SUGCT: variants seen among roughly 807,000 people sequenced by gnomAD.
The protein encoded by SUGCT is succinyl-CoA:glutarate CoA-transferase.
A neutral mutation model predicts 55.0 loss-of-function variants in SUGCT; 41 were observed. That is an observed-to-expected ratio of 0.74 (90% CI 0.58 to 0.97). The LOEUF is 0.97. SUGCT is among the 50% of genes least tolerant of loss of function. SUGCT has a pLI of 0.00. For missense variants in SUGCT, 568 were observed against 547.8 expected, an observed-to-expected ratio of 1.04 and a Z score of -0.37; for synonymous variants, 187 against 200.4, an observed-to-expected ratio of 0.93 and a Z score of 0.56.
In SUGCT at chr7:40,739,616, C is replaced by T. The variant is rs181956415; in HGVS notation, c.1090-9818C>T. Among the ~76,000 whole-genome samples the T allele has an allele frequency of 6.2e-3, 944 of 151,710 alleles. 19 individuals are homozygous for T. The highest frequency in any genetic ancestry group is 0.039 in the South Asian group (188 of 4,804). On this transcript the variant is annotated intron_variant, in intron 12 of 13. Coordinates refer to ENST00000335693, the MANE Select transcript of SUGCT (RefSeq NM_001193313.2). ...GAGCTTTATGTTGAGTTTCTTTTTT[C>T]CCCCCAGCTCCAGTACACATGTTTC...
At chr7:40,602,861 T>C (rs925949100) in intron 12 of SUGCT, among the ~76,000 whole-genome samples, 1 of 152,170 alleles carries the variant, frequency 6.6e-6, no homozygotes, top group Admixed American at 6.5e-5. Flanking sequence ...GTGGTAGGAT[T>C]TTCCAACAGG....
intron 6 of SUGCT, among the ~76,000 whole-genome samples, chr7:40,203,120 GCTTGCTCCT>G (rs1476862832): frequency 6.6e-6 from 1 of 152,170 alleles, no homozygotes; most frequent in Non-Finnish European, 1.5e-5. Flanking sequence ...GGGGAAAACA[GCTTGCTCCT>G]CTCTTATGAC....
rs568070433 is a variant in SUGCT, at chr7:40,680,237, G to A, written c.1090-69197G>A. 3.4e-4 allele frequency among the ~76,000 whole-genome samples: 51 copies of A among 152,138 alleles called. 1 individual carries two copies. In the South Asian group the frequency reaches 7.5e-3, roughly 22 times the overall value. On this transcript the variant is annotated intron_variant, in intron 12 of 13. Coordinates refer to ENST00000335693, the MANE Select transcript of SUGCT (RefSeq NM_001193313.2). ...ATAGATGGATTTCTTTTAAAAAATC[G>A]AAGTCAGCTGTTTAACACCTGCAAA...
At chr7:41,009,574 C>T in the SUGCT span, among the ~76,000 whole-genome samples, 2 of 151,356 alleles carry the variant, frequency 1.3e-5, no homozygotes, top group African/African-American at 2.4e-5. Flanking sequence ...TCCTTCCATC[C>T]ACCATCCATC....
intron 13 of SUGCT, among the ~76,000 whole-genome samples, chr7:40,757,048 A>G (rs959955763): frequency 3.3e-5 from 5 of 152,190 alleles, no homozygotes; most frequent in Non-Finnish European, 7.3e-5. Context: ...ATGGCAGGGT[A>G]CTGAGTGAAA....
At chr7:41,032,961 A>G in the SUGCT span, among the ~76,000 whole-genome samples, 3 of 152,078 alleles carry the variant, frequency 2.0e-5, no homozygotes. Flanking sequence ...ACAGGGTTTC[A>G]CCATGTTGGC....
At chr7:40,913,439 A>G in the SUGCT span, among the ~76,000 whole-genome samples, 3 of 152,224 alleles carry the variant, frequency 2.0e-5, no homozygotes, top group East Asian at 5.8e-4. Flanking sequence ...TACAATCTAA[A>G]TAAAACAGTA....
the SUGCT span, among the ~76,000 whole-genome samples, chr7:40,978,000 T>A: frequency 1.3e-5 from 2 of 152,198 alleles, no homozygotes; most frequent in African/African-American, 4.8e-5. Context: ...TGTTCGCCAT[T>A]GGCTCTCTTG....
rs557490640 is a variant in SUGCT at position 40,590,939 on chromosome 7, A to G, written c.1089+94553A>G. Among the ~76,000 whole-genome samples, 7 of 152,346 alleles carry G rather than the reference A, an allele frequency of 4.6e-5. 1 individual carries two copies. The South Asian group carries it at 1.5e-3, about 32-fold the overall frequency. On this transcript the variant is annotated intron_variant, in intron 12 of 13. Transcript: ENST00000335693. The stretch of plus-strand genomic sequence containing the variant: ...AAATTATTTTAAAATATTATTTCTC[A>G]TTGACAATGTACCTCATTACCCAAG...
the SUGCT span, among the ~76,000 whole-genome samples, chr7:40,898,563 A>G: frequency 6.6e-6 from 1 of 151,012 alleles, no homozygotes; most frequent in African/African-American, 2.4e-5. Context: ...ATCTACTAAA[A>G]ATACAAAAAA....
At chr7:40,316,714 A>AT in intron 8 of SUGCT, 46 bp from the exon 9 acceptor site, 1 of 1,258,746 alleles carries the variant, frequency 7.9e-7, no homozygotes, top group Non-Finnish European at 1.1e-6. Context: ...ATGAGTATAG[A>AT]TAAACTAGCT....
At chr7:40,854,458 T>C (rs1294440734) in intron 13 of SUGCT, among the ~76,000 whole-genome samples, 2 of 145,488 alleles carry the variant, frequency 1.4e-5, no homozygotes, top group Admixed American at 6.9e-5. Flanking sequence ...CTTTCTTTCT[T>C]TCTTTCTTTC....
intron 12 of SUGCT, chr7:40,499,135 T>TG (rs1383229572): frequency 4.4e-6 from 2 of 456,538 alleles, no homozygotes; most frequent in Non-Finnish European, 4.4e-6. Context: ...CCACTCTCCA[T>TG]GTGCGCTGTG....
intron 12 of SUGCT, among the ~76,000 whole-genome samples, chr7:40,676,389 A>G (rs530317266): frequency 6.6e-6 from 1 of 152,108 alleles, no homozygotes; most frequent in African/African-American, 2.4e-5. Context: ...TATGTTTTCA[A>G]TTCATGGGCT....
At chr7:40,833,155 A>G (rs1008382501) in intron 13 of SUGCT, among the ~76,000 whole-genome samples, 1 of 152,062 alleles carries the variant, frequency 6.6e-6, no homozygotes, top group East Asian at 1.9e-4. Context: ...AAACATTGCA[A>G]TAATAGTCAG....
At chr7:40,525,641 G>GAA (rs1793756496) in intron 12 of SUGCT, among the ~76,000 whole-genome samples, 1 of 152,042 alleles carries the variant, frequency 6.6e-6, no homozygotes, top group Admixed American at 6.6e-5. Context: ...GAGAGAGAGA[G>GAA]AAAATATGAA....
intron 13 of SUGCT, among the ~76,000 whole-genome samples, chr7:40,761,781 A>C (rs976607433): frequency 1.3e-5 from 2 of 152,228 alleles, no homozygotes; most frequent in Admixed American, 1.3e-4. Context: ...TGTAATGGTC[A>C]TTTACTGGAG....
chr7:40,282,763 G>A (rs1174934037), intron 8 of SUGCT, among the ~76,000 whole-genome samples: 10 of 151,888 alleles, frequency 6.6e-5, no homozygotes, highest in Admixed American at 5.9e-4. Flanking sequence ...AACCATGTGA[G>A]GCTGAGGTAG....
chr7:40,915,009 T>C, the SUGCT span, among the ~76,000 whole-genome samples: 2 of 152,204 alleles, frequency 1.3e-5, no homozygotes, highest in African/African-American at 2.4e-5. Context: ...ACCGTAATCA[T>C]AAATTAGTGC....
Sources: allele counts gnomAD v4.1 joint callset (sites outside exome capture counted in the v4.1 genomes callset), GRCh38; gene constraint gnomAD v4.1.1; transcripts MANE v1.5; gene names NCBI Gene and HGNC (gene_info 2026-07-23, HGNC 2026-07-21).